Variants in SNX6 observed in about 807,000 individuals in gnomAD.
The protein encoded by SNX6 is sorting nexin 6.
In SNX6, 34 loss-of-function variants were observed where a neutral mutation model predicts 63.0. The ratio of observed to expected loss-of-function variants is 0.54; its 90% confidence interval spans 0.41 to 0.72. SNX6 has a LOEUF of 0.72. SNX6 is among the 30% of genes least tolerant of loss of function. The pLI, the probability that SNX6 is intolerant of heterozygous loss-of-function variation, is 0.00. For synonymous variants in SNX6, 170 were observed against 164.2 expected, an observed-to-expected ratio of 1.04 and a Z score of -0.27; for missense variants, 398 against 471.4, an observed-to-expected ratio of 0.84 and a Z score of 1.44.
chr14:34,596,859 G>C (rs1269916310), intron 7 of SNX6, among the ~76,000 whole-genome samples: 1 of 151,742 alleles, frequency 6.6e-6, no homozygotes, highest in Non-Finnish European at 1.5e-5. Flanking sequence ...TAGTAGAGAC[G>C]GGGTTTCACC....
chr14:34,629,973 C>T lies in SNX6; in HGVS notation c.7-19G>A, dbSNP rs891104229. 6 of 1,530,190 alleles carry T rather than the reference C, an allele frequency of 3.9e-6. No homozygotes were observed. The African/African-American group carries it at 4.2e-5, about 11-fold the overall frequency. The allele number at this position is 1,530,190 out of a possible 1,614,324, so 94.8% of individuals were successfully genotyped here. On this transcript the variant is annotated intron_variant, in intron 1 of 13. Coordinates refer to ENST00000362031, the MANE Select transcript of SNX6 (RefSeq NM_152233.4). The stretch of plus-strand genomic sequence containing the variant: ...GGCCTTCCTGTGGGGTCGGCGGGCA[C>T]GGCGCGCCGGGGAAAAGGATGAGAT...
At chr14:34,570,032 C>T (rs535607270) in intron 11 of SNX6, among the ~76,000 whole-genome samples, 2 of 152,076 alleles carry the variant, frequency 1.3e-5, no homozygotes, top group African/African-American at 4.8e-5. Context: ...TCACTCACAT[C>T]CTTGCCAACA....
chr14:34,574,331 A>C (rs34284177), intron 11 of SNX6, among the ~76,000 whole-genome samples: 1 of 141,542 alleles, frequency 7.1e-6, no homozygotes. Flanking sequence ...GCTAGAGTCC[A>C]CCTCAAAAAA....
chr14:34,605,646 T>C lies in SNX6; in HGVS notation c.342A>G (p.Glu114=). The change falls in exon 5 of 14, where the codon GAA becomes GAG. Residue 114 remains glutamate (E), a synonymous_variant. Transcript: ENST00000362031. ...TGAATTCTTCCTTCGTCATTGACCC[T>C]TCTCCTTCACCAAGCTTCTGTAGTT... The part of the protein sequence containing the change: ...REKLQKLGEG[E]GSMTKEEFTK... The C allele has an allele frequency of 6.2e-7, 1 of 1,611,112 alleles. No homozygotes were observed. The highest frequency in any genetic ancestry group is 8.5e-7 in the Non-Finnish European group (1 of 1,178,830).
chr14:34,568,385 C>A (rs937478815), intron 11 of SNX6, among the ~76,000 whole-genome samples: 2 of 152,088 alleles, frequency 1.3e-5, no homozygotes, highest in East Asian at 3.9e-4. Flanking sequence ...TGCACGCCAC[C>A]ACGCCTGGCT....
intron 9 of SNX6, 36 bp from the exon 10 acceptor site, chr14:34,581,636 C>A: frequency 7.6e-7 from 1 of 1,307,332 alleles, no homozygotes; most frequent in Non-Finnish European, 1.1e-6. Context: ...ATTCTACATT[C>A]AAAGTAATTT....
chr14:34,589,848 G>A (rs1443397214), intron 8 of SNX6, among the ~76,000 whole-genome samples: 1 of 151,930 alleles, frequency 6.6e-6, no homozygotes, highest in Non-Finnish European at 1.5e-5. Context: ...AATGGAGTCT[G>A]GTGGCTCATG....
intron 9 of SNX6, among the ~76,000 whole-genome samples, chr14:34,581,931 C>T (rs546822978): frequency 6.6e-5 from 10 of 152,124 alleles, no homozygotes; most frequent in African/African-American, 2.4e-4. Flanking sequence ...CGAGTTCAAG[C>T]GATTCTCCAG....
At chr14:34,616,923 G>GA (rs928218126) in intron 2 of SNX6, among the ~76,000 whole-genome samples, 40 of 148,972 alleles carry the variant, frequency 2.7e-4, no homozygotes, top group African/African-American at 7.4e-4. Flanking sequence ...ATATAAAAAA[G>GA]AAAAAAAAAA....
At chr14:34,605,559 C>CAA (rs111249131) in intron 5 of SNX6, 37 bp downstream of exon 5, 780 of 1,272,552 alleles carry the variant, frequency 6.1e-4, no homozygotes, top group African/African-American at 1.7e-3. Context: ...CAACAACAAC[C>CAA]AAAAAAAAAA....
rs748990249 is a variant in SNX6 at position 34,567,989 on chromosome 14, A to T, written c.946T>A (p.Ser316Thr). Residue 316 changes from serine to threonine, a missense_variant, in exon 12 of 14, where the codon TCA (serine) becomes ACA (threonine). Physicochemically the swap from Ser to Thr is moderately conservative, Grantham distance 58 (BLOSUM62 1). Coordinates refer to ENST00000362031, the MANE Select transcript of SNX6 (RefSeq NM_152233.4). ...TTAGCATTTTCATAATCCACTAGTGACCTAGACCTTCGATACAGGAGATCC... is the reference window on the plus strand; with the variant it reads ...TTAGCATTTTCATAATCCACTAGTGTCCTAGACCTTCGATACAGGAGATCC... ...AKDLLYRRSR[S>T]LVDYENANKA... The T allele has an allele frequency of 1.2e-6, 2 of 1,611,696 alleles. No individual in the cohort carries two copies. Among genetic ancestry groups the T allele is most frequent in the Non-Finnish European group, 1.7e-6 (2 of 1,179,906 alleles).
intron 2 of SNX6, among the ~76,000 whole-genome samples, chr14:34,611,464 C>A (rs1465499024): frequency 6.8e-6 from 1 of 148,100 alleles, no homozygotes. Context: ...GCAATAGAGC[C>A]AAACCCTGTC....
intron 2 of SNX6, chr14:34,629,564 T>A (rs1347484758): frequency 5.2e-6 from 3 of 577,984 alleles, no homozygotes; most frequent in Non-Finnish European, 6.5e-6. Context: ...TGGGTTTTCA[T>A]GGCCCCAAAG....
intron 12 of SNX6, 37 bp from the exon 13 acceptor site, chr14:34,567,808 A>G: frequency 6.2e-7 from 1 of 1,612,124 alleles, no homozygotes; most frequent in East Asian, 2.2e-5. Flanking sequence ...AATTTACATA[A>G]TAGTCATAAA....
chr14:34,624,561 G>T (rs995521308), intron 2 of SNX6, among the ~76,000 whole-genome samples: 1 of 151,732 alleles, frequency 6.6e-6, no homozygotes, highest in Non-Finnish European at 1.5e-5. Context: ...ACTTTGGGAG[G>T]CTGAGGAGGG....
intron 3 of SNX6, among the ~76,000 whole-genome samples, chr14:34,608,678 CAAAGG>C (rs1883110680): frequency 6.6e-6 from 1 of 151,994 alleles, no homozygotes; most frequent in African/African-American, 2.4e-5. Context: ...ACTATTCAAA[CAAAGG>C]AAAGAAATCT....
Position 34,575,829 on chromosome 14 carries a change from C to A in SNX6, c.848G>T (p.Arg283Leu). Residue 283 changes from arginine to leucine, a missense_variant, in exon 11 of 14, where the codon CGA (arginine) becomes CTA (leucine). Transcript: ENST00000362031. ...TTTGAGGTCTTCATCAGCAGACACT[C>A]GTGCTTCTATTTTCTGAAAAGAAGG... is the stretch of plus-strand genomic sequence containing the variant. ...LFDKTRKIEA[R>L]VSADEDLKLS... The A allele has an allele frequency of 6.3e-7, 1 of 1,581,230 alleles. No individual in the cohort carries two copies. The highest frequency in any genetic ancestry group is 1.2e-5 in the South Asian group (1 of 85,326).
At chr14:34,619,294 T>A (rs1308085185) in intron 2 of SNX6, among the ~76,000 whole-genome samples, 5 of 152,046 alleles carry the variant, frequency 3.3e-5, no homozygotes, top group African/African-American at 1.2e-4. Flanking sequence ...CAGTGGTGCA[T>A]GCCTGTAGTC....
chr14:34,603,217 G>A, intron 6 of SNX6, 131 bp downstream of exon 6: 1 of 773,660 alleles, frequency 1.3e-6, no homozygotes, highest in East Asian at 3.3e-5. Context: ...GGCGGAGCTT[G>A]CAGTGAGCCA....
Sources: gnomAD v4.1 joint callset for allele counts (sites outside exome capture counted in the v4.1 genomes callset) on GRCh38, gnomAD v4.1.1 for gene constraint, MANE v1.5 for transcripts, NCBI Gene and HGNC (gene_info 2026-07-23, HGNC 2026-07-21) for gene names.